DCC: variants seen among roughly 807,000 people sequenced by gnomAD.
The protein encoded by DCC is DCC netrin 1 receptor.
In DCC, 58 loss-of-function variants were observed where a neutral mutation model predicts 172.5. That is an observed-to-expected ratio of 0.34 (90% CI 0.27 to 0.42). The LOEUF (loss-of-function observed/expected upper bound fraction) is 0.42, where lower values mean the gene tolerates loss of function less well. Ranked by LOEUF, DCC falls within the 10% of genes least tolerant of loss-of-function variation. The pLI, the probability that DCC is intolerant of heterozygous loss-of-function variation, is 1.00. For missense variants in DCC, 1,740 were observed against 1,791.0 expected, an observed-to-expected ratio of 0.97 and a Z score of 0.51; for synonymous variants, 709 against 644.5, an observed-to-expected ratio of 1.10 and a Z score of -1.52.
At chr18:53,323,446 T>C (rs1457840343) in intron 14 of DCC, among the ~76,000 whole-genome samples, 1 of 152,260 alleles carries the variant, frequency 6.6e-6, no homozygotes, top group East Asian at 1.9e-4. Flanking sequence ...TATAGAAGTC[T>C]TACTAAGCAT....
intron 11 of DCC, among the ~76,000 whole-genome samples, chr18:53,214,111 G>A (rs1413105397): frequency 6.6e-6 from 1 of 151,706 alleles, no homozygotes; most frequent in Non-Finnish European, 1.5e-5. Context: ...TTTAAAATCA[G>A]AATAAGAATC....
In DCC at chr18:53,302,705, C is replaced by A. The variant is rs544868486; in HGVS notation, c.1912-2873C>A. Among the ~76,000 whole-genome samples, 202 of 152,216 alleles carry A rather than the reference C, an allele frequency of 1.3e-3. 1 individual carries two copies. The highest frequency in any genetic ancestry group is 1.9e-3 in the Non-Finnish European group (129 of 68,006). ...TATTCTTATACTTGTGCTATATTATCCTTATGCTTGCTTATTTGACTGGAC... is the reference window on the plus strand; with the variant it reads ...TATTCTTATACTTGTGCTATATTATACTTATGCTTGCTTATTTGACTGGAC... On this transcript the variant is annotated intron_variant, in intron 12 of 28. Coordinates refer to ENST00000442544, the MANE Select transcript of DCC (RefSeq NM_005215.4).
At chr18:52,770,617 G>A (rs2037325363) in intron 2 of DCC, among the ~76,000 whole-genome samples, 1 of 149,970 alleles carries the variant, frequency 6.7e-6, no homozygotes, top group Non-Finnish European at 1.5e-5. Flanking sequence ...GGCAGTGACT[G>A]AACTGGAATC....
chr18:53,217,262 TACACACACAC>T lies in DCC; in HGVS notation c.1911+1695_1911+1704del, dbSNP rs36226906. On this transcript the variant is annotated intron_variant, in intron 12 of 28. Transcript: ENST00000442544. ...ATTGCAAAATTGACTATATATATTATACACACACACACACACACACACACACACACACACA... is the reference window on the plus strand; with the variant it reads ...ATTGCAAAATTGACTATATATATTATACACACACACACACACACACACACA... 6.7e-3 allele frequency among the ~76,000 whole-genome samples: 891 copies of T among 133,300 alleles called. 4 individuals are homozygous for T. Among genetic ancestry groups the T allele is most frequent in the African/African-American group, 0.022 (645 of 29,676 alleles). The allele number at this position is 133,300 out of a possible 152,430, so 87.4% of individuals were successfully genotyped here. A position where few individuals can be genotyped will look rare whatever the true frequency, so the allele number is the denominator to read the frequency against.
chr18:52,999,509 A>G (rs1350307118), intron 5 of DCC, among the ~76,000 whole-genome samples: 3 of 152,080 alleles, frequency 2.0e-5, no homozygotes, highest in Non-Finnish European at 4.4e-5. Flanking sequence ...AAAGGGCTTC[A>G]GTGACTAAGA....
chr18:53,203,201 T>TTGTGTGTGTGTGTG (rs66474118), intron 9 of DCC, among the ~76,000 whole-genome samples: 2 of 125,254 alleles, frequency 1.6e-5, no homozygotes, highest in Admixed American at 7.6e-5. Context: ...ATAGATTCTC[T>TTGTGTGTGTGTGTG]TGTGTGTGTG....
At chr18:52,731,856 A>G (rs2036647876) in intron 1 of DCC, among the ~76,000 whole-genome samples, 1 of 152,104 alleles carries the variant, frequency 6.6e-6, no homozygotes, top group Non-Finnish European at 1.5e-5. Context: ...ATTTGTCTGG[A>G]TTTGCTATGA....
intron 13 of DCC, among the ~76,000 whole-genome samples, chr18:53,311,648 A>T (rs2057270404): frequency 6.6e-6 from 1 of 152,226 alleles, no homozygotes; most frequent in Non-Finnish European, 1.5e-5. Flanking sequence ...AATGTTTAAC[A>T]TTTACAACAA....
chr18:52,555,892 A>T (rs1002452069), intron 1 of DCC, among the ~76,000 whole-genome samples: 2 of 152,072 alleles, frequency 1.3e-5, no homozygotes, highest in Non-Finnish European at 2.9e-5. Flanking sequence ...ATAATTATTC[A>T]TTAATAACTC....
intron 12 of DCC, among the ~76,000 whole-genome samples, chr18:53,291,759 C>T (rs1330607054): frequency 6.6e-6 from 1 of 152,098 alleles, no homozygotes; most frequent in Non-Finnish European, 1.5e-5. Flanking sequence ...AGTTAATAAG[C>T]CCTTCTAAAC....
intron 7 of DCC, among the ~76,000 whole-genome samples, chr18:53,127,413 C>G (rs2043579245): frequency 6.6e-6 from 1 of 152,044 alleles, no homozygotes; most frequent in Non-Finnish European, 1.5e-5. Context: ...ATTTGCCTTG[C>G]TGCTCTACAT....
chr18:53,090,586 C>T (rs371875198), intron 7 of DCC, among the ~76,000 whole-genome samples: 8 of 149,838 alleles, frequency 5.3e-5, no homozygotes, highest in Non-Finnish European at 1.2e-4. Flanking sequence ...CCCAGCCACT[C>T]GGCAGGCTGA....
chr18:53,502,106 C>CTTAAGATCCTTCTTTTGTT lies in DCC; in HGVS notation c.4111+2599_4111+2617dup, dbSNP rs1555679933. On this transcript the variant is annotated intron_variant, in intron 27 of 28. Transcript: ENST00000442544. ...CGTTTTCTTTTATTTTCATGGTACCCTTAAGATCCTTCTTTTGTTTTTATT... is the reference window on the plus strand; with the variant it reads ...CGTTTTCTTTTATTTTCATGGTACCCTTAAGATCCTTCTTTTGTTTTAAGATCCTTCTTTTGTTTTTATT... Among the ~76,000 whole-genome samples the CTTAAGATCCTTCTTTTGTT allele has an allele frequency of 2.0e-5, 3 of 152,132 alleles. No individual in the cohort carries two copies. In the East Asian group the frequency reaches 5.8e-4, roughly 29 times the overall value.
chr18:53,297,106 A>T (rs1043973807), intron 12 of DCC, among the ~76,000 whole-genome samples: 2 of 151,136 alleles, frequency 1.3e-5, no homozygotes, highest in Non-Finnish European at 1.5e-5. Context: ...TTCTGAGAAA[A>T]ATTGGAGTGG....
intron 5 of DCC, among the ~76,000 whole-genome samples, chr18:52,948,057 G>C (rs1325753565): frequency 6.6e-6 from 1 of 152,120 alleles, no homozygotes; most frequent in African/African-American, 2.4e-5. Flanking sequence ...TGGCGTTCTA[G>C]CTAAATAAAA....
At chr18:53,128,807 C>T (rs2043601730) in intron 7 of DCC, among the ~76,000 whole-genome samples, 1 of 148,020 alleles carries the variant, frequency 6.8e-6, no homozygotes, top group Admixed American at 6.8e-5. Context: ...ATATTTGCCT[C>T]TCTACGTCTA....
chr18:52,425,164 C>T (rs1987382074), intron 1 of DCC, among the ~76,000 whole-genome samples: 1 of 152,132 alleles, frequency 6.6e-6, no homozygotes, highest in Non-Finnish European at 1.5e-5. Context: ...TTAGGCATAA[C>T]ATTTATAAGC....
intron 2 of DCC, among the ~76,000 whole-genome samples, chr18:52,905,175 ATTTG>A (rs1300421145): frequency 4.7e-5 from 7 of 150,088 alleles, no homozygotes; most frequent in African/African-American, 1.7e-4. Context: ...TGGCCAGTTT[ATTTG>A]TTTTATTTTT....
chr18:52,519,824 T>C (rs2031754068), intron 1 of DCC, among the ~76,000 whole-genome samples: 1 of 152,162 alleles, frequency 6.6e-6, no homozygotes, highest in Non-Finnish European at 1.5e-5. Context: ...GAAAATTGCT[T>C]GGAGATGAAG....
Sources: gnomAD v4.1 joint callset for allele counts (sites outside exome capture counted in the v4.1 genomes callset) on GRCh38, gnomAD v4.1.1 for gene constraint, MANE v1.5 for transcripts, NCBI Gene and HGNC (gene_info 2026-07-23, HGNC 2026-07-21) for gene names.